Variants in DHX9 observed in about 807,000 individuals in gnomAD.
The protein encoded by DHX9 is ATP-dependent RNA helicase A.
DHX9 carries 27 observed loss-of-function variants against 148.7 expected under a neutral mutation model. The ratio of observed to expected loss-of-function variants is 0.18; its 90% CI spans 0.13 to 0.25. DHX9 has a LOEUF of 0.25. Ranked by LOEUF, DHX9 falls within the 10% of genes least tolerant of loss-of-function variation. The pLI is 1.00. For synonymous variants in DHX9, 529 were observed against 516.6 expected (o/e 1.02, Z -0.33); for missense variants, 796 against 1,559.6 (o/e 0.51, Z 8.25).
At position 182,864,079 on chromosome 1, in the gene DHX9, G is replaced by A. The variant is rs187072585; in HGVS notation, c.1333-2365G>A. 1.3e-3 allele frequency among the ~76,000 whole-genome samples: 204 copies of A among 152,212 alleles called. 1 individual carries two copies. The highest frequency in any genetic ancestry group is 0.01 in the Middle Eastern group (3 of 294). On this transcript the variant is annotated intron_variant, in intron 12 of 27. Coordinates refer to ENST00000367549, the MANE Select transcript of DHX9 (RefSeq NM_001357.5). ...CTTTGGAGGCTGAGGTGGGAGGATC[G>A]CTTGAACCTGAGAGGAATTTCTTGT...
At chr1:182,841,415 C>G (rs1168648759) in intron 1 of DHX9, among the ~76,000 whole-genome samples, 1 of 152,146 alleles carries the variant, frequency 6.6e-6, no homozygotes, top group Admixed American at 6.5e-5. Flanking sequence ...ATAGTATAGT[C>G]CTTCGTATTT....
At position 182,842,647 on chromosome 1, in the gene DHX9, G is replaced by T. The variant is rs772792125; in HGVS notation, c.81G>T (p.Gly27=). 1 of 1,613,220 alleles carries T rather than the reference G, an allele frequency of 6.2e-7. No individual in the cohort carries two copies. Among genetic ancestry groups the T allele is most frequent in the Non-Finnish European group, 8.5e-7 (1 of 1,179,510 alleles). ...MTPSYEIRAV[G]NKNRQKFMCE... is the part of the protein sequence containing the mutation. ...CATCCTATGAAATTAGAGCAGTGGG[G>T]AACAAAAACAGGCAGAAATTCATGT... is the stretch of plus-strand genomic sequence containing the variant. The change falls in exon 2 of 28, where the codon GGG becomes GGT. Residue 27 remains glycine, a synonymous_variant. Transcript: ENST00000367549.
rs779723441 is a variant in DHX9, at chr1:182,867,058, A to T, written c.1557+15A>T. The T allele has an allele frequency of 3.5e-6, 5 of 1,440,702 alleles. No homozygotes were observed. Among genetic ancestry groups the T allele is most frequent in the East Asian group, 2.4e-5 (1 of 41,516 alleles). The allele number at this position is 1,440,702 out of a possible 1,614,324, so 89.2% of individuals were successfully genotyped here. On this transcript the variant is annotated intron_variant, in intron 14 of 27. Transcript: ENST00000367549. Reference sequence around the variant, plus strand: ...GAGATATTAATGTAAGTAACTTGAGAGGTACAGTAAGGTACTTAATTCTGC... The same window carrying T: ...GAGATATTAATGTAAGTAACTTGAGTGGTACAGTAAGGTACTTAATTCTGC...
chr1:182,879,403 T>C lies in DHX9; in HGVS notation c.2505T>C (p.Thr835=). Residue 835 remains threonine (T), a synonymous_variant, in exon 21 of 28, where the codon ACT becomes ACC. Transcript: ENST00000367549. The part of the protein sequence containing the change: ...PLDAVIEAEH[T]LRELDALDAN... ...ATGCTGTGATTGAAGCAGAACACAC[T>C]CTTAGAGGTACTTACAAATACAAAC... 1 of 1,485,240 alleles carries C rather than the reference T, an allele frequency of 6.7e-7. No individual in the cohort carries two copies. Among genetic ancestry groups the C allele is most frequent in the Non-Finnish European group, 9.1e-7 (1 of 1,099,918 alleles). 92.0% of individuals were successfully genotyped at this position (1,485,240 alleles called of 1,614,324 possible).
rs778356288 is a variant in DHX9, at chr1:182,853,397, G to A, written c.456G>A (p.Lys152=). 1.1e-5 allele frequency: 17 copies of A among 1,613,972 alleles called. No homozygotes were observed. The highest frequency in any genetic ancestry group is 1.3e-5 in the African/African-American group (1 of 75,032). ...GANLKDYYSR[K]EEQEVQATLE... ...ACTTGAAGGATTACTACTCAAGAAAGGAAGAACAAGAAGTGCAAGCGGTAA... is the reference window on the plus strand; with the variant it reads ...ACTTGAAGGATTACTACTCAAGAAAAGAAGAACAAGAAGTGCAAGCGGTAA... The change falls in exon 5 of 28, where the codon AAG becomes AAA. Residue 152 remains lysine (K), a synonymous_variant. Coordinates refer to ENST00000367549, the MANE Select transcript of DHX9 (RefSeq NM_001357.5).
chr1:182,849,212 T>A (rs111505041), intron 3 of DHX9, among the ~76,000 whole-genome samples: 6,823 of 152,088 alleles, frequency 0.045, 443 homozygotes, highest in African/African-American at 0.15. Flanking sequence ...TATTTTAAAA[T>A]TTTTTTTGCT....
intron 14 of DHX9, among the ~76,000 whole-genome samples, chr1:182,870,502 C>T (rs1029832622): frequency 6.6e-6 from 1 of 152,156 alleles, no homozygotes; most frequent in Non-Finnish European, 1.5e-5. Flanking sequence ...TTATATGTTA[C>T]ATGCAACATT....
intron 2 of DHX9, among the ~76,000 whole-genome samples, 176 bp from the exon 3 acceptor site, chr1:182,843,118 C>G (rs1448724174): frequency 6.6e-6 from 1 of 152,112 alleles, no homozygotes; most frequent in Admixed American, 6.6e-5. Flanking sequence ...TTGGATACAA[C>G]ACAATTTAAG....
intron 14 of DHX9, among the ~76,000 whole-genome samples, chr1:182,870,040 G>A (rs1472474357): frequency 2.6e-5 from 4 of 152,144 alleles, no homozygotes; most frequent in Admixed American, 6.5e-5. Context: ...GTAATATACC[G>A]AAGGCAGTTG....
intron 5 of DHX9, among the ~76,000 whole-genome samples, chr1:182,853,670 T>C (rs1037109415): frequency 6.6e-6 from 1 of 152,162 alleles, no homozygotes; most frequent in Non-Finnish European, 1.5e-5. Flanking sequence ...TTCAGCTTTA[T>C]AGGAAATGTA....
intron 3 of DHX9, among the ~76,000 whole-genome samples, 197 bp downstream of exon 3, chr1:182,843,631 C>T (rs1372233218): frequency 1.3e-5 from 2 of 152,158 alleles, no homozygotes; most frequent in African/African-American, 4.8e-5. Flanking sequence ...ATATACCTGT[C>T]TTAGGGGCTT....
At chr1:182,866,892 A>G (rs1460789654) in intron 13 of DHX9, 69 bp from the exon 14 acceptor site, 2 of 1,208,346 alleles carry the variant, frequency 1.7e-6, no homozygotes, top group East Asian at 4.8e-5. Flanking sequence ...TAGTTGAAAT[A>G]TAGATAATTG....
intron 1 of DHX9, 51 bp from the exon 2 acceptor site, chr1:182,842,494 C>A: frequency 9.7e-7 from 1 of 1,035,656 alleles, no homozygotes. Context: ...TTGGTTCCTC[C>A]CAGTTTTTGC....
intron 3 of DHX9, among the ~76,000 whole-genome samples, chr1:182,846,755 T>C (rs1668037827): frequency 6.6e-6 from 1 of 152,236 alleles, no homozygotes; most frequent in Non-Finnish European, 1.5e-5. Context: ...CTGAGATTAT[T>C]GAATCCATAG....
Position 182,842,619 on chromosome 1 carries a change from C to A in DHX9, c.53C>A (p.Thr18Asn), listed in dbSNP as rs1377947491. The change falls in exon 2 of 28, where the codon ACC (threonine) becomes AAC (asparagine). Residue 18 changes from threonine to asparagine, a missense_variant. By Grantham distance (65) the Thr-to-Asn change is moderately conservative (BLOSUM62 0). This residue lies in a region of DHX9 where 23 missense variants were observed against 89.5 expected (regional missense o/e 0.26). Coordinates refer to ENST00000367549, the MANE Select transcript of DHX9 (RefSeq NM_001357.5). Reference protein sequence around the residue: ...LYAWCGKRKMTPSYEIRAVGN... With the variant: ...LYAWCGKRKMNPSYEIRAVGN... Reference sequence around the variant, plus strand: ...GCCTGGTGTGGCAAAAGGAAGATGACCCCATCCTATGAAATTAGAGCAGTG... The same window carrying A: ...GCCTGGTGTGGCAAAAGGAAGATGAACCCATCCTATGAAATTAGAGCAGTG... 5.0e-6 allele frequency: 8 copies of A among 1,613,380 alleles called. No homozygotes were observed. Among genetic ancestry groups the A allele is most frequent in the Non-Finnish European group, 6.8e-6 (8 of 1,179,686 alleles).
intron 25 of DHX9, 52 bp from the exon 26 acceptor site, chr1:182,883,468 T>C: frequency 6.3e-7 from 1 of 1,579,978 alleles, no homozygotes; most frequent in Middle Eastern, 1.7e-4. Flanking sequence ...TATAGCGGTA[T>C]TTGGAAGTTG....
chr1:182,871,652 A>C (rs542948522), intron 14 of DHX9, among the ~76,000 whole-genome samples: 6 of 152,374 alleles, frequency 3.9e-5, no homozygotes, highest in Non-Finnish European at 7.3e-5. Flanking sequence ...TAAGTGAATT[A>C]ACTGATATAT....
At chr1:182,841,221 G>A (rs1258363510) in intron 1 of DHX9, among the ~76,000 whole-genome samples, 1 of 152,114 alleles carries the variant, frequency 6.6e-6, no homozygotes, top group Non-Finnish European at 1.5e-5. Flanking sequence ...AACCTGGGAG[G>A]CGGAGGTTGC....
chr1:182,853,949 A>G (rs948086260), intron 5 of DHX9, 81 bp from the exon 6 acceptor site: 2 of 1,311,030 alleles, frequency 1.5e-6, no homozygotes, highest in African/African-American at 3.0e-5. Context: ...GGATAGTACA[A>G]AGACAGTATT....
Sources: gnomAD v4.1 joint callset for allele counts (sites outside exome capture counted in the v4.1 genomes callset) on GRCh38, gnomAD v4.1.1 for gene constraint, gnomAD v4.1.1 regional missense constraint, MANE v1.5 for transcripts, NCBI Gene and HGNC (gene_info 2026-07-23, HGNC 2026-07-21) for gene names.